SOX5: variants seen among roughly 807,000 people sequenced by gnomAD.
SOX5 encodes SRY-box transcription factor 5.
In SOX5, 9 loss-of-function variants were observed where a neutral mutation model predicts 92.0. The observed-to-expected ratio is 0.10, with a 90% CI of 0.06 to 0.17. The LOEUF (loss-of-function observed/expected upper bound fraction) is 0.17, where lower values mean the gene tolerates loss of function less well. SOX5 is among the 10% of genes least tolerant of loss of function. SOX5 has a pLI of 1.00. For synonymous variants in SOX5, 344 were observed against 336.3 expected (o/e 1.02, Z -0.25); for missense variants, 642 against 944.5 (o/e 0.68, Z 4.20).
intron 3 of SOX5, among the ~76,000 whole-genome samples, chr12:23,759,445 ACAT>A (rs2094505322): frequency 6.6e-6 from 1 of 152,056 alleles, no homozygotes; most frequent in Non-Finnish European, 1.5e-5. Context: ...GGATCATAAG[ACAT>A]CATTTCACCC....
At chr12:23,790,026 C>T (rs2095443272) in intron 3 of SOX5, among the ~76,000 whole-genome samples, 1 of 152,066 alleles carries the variant, frequency 6.6e-6, no homozygotes, top group African/African-American at 2.4e-5. Flanking sequence ...CTATGTAAAG[C>T]AAACCTGTAA....
intron 1 of SOX5, among the ~76,000 whole-genome samples, chr12:24,550,126 A>G (rs770889317): frequency 1.3e-5 from 2 of 152,244 alleles, no homozygotes; most frequent in Non-Finnish European, 2.9e-5. Flanking sequence ...TTGGCTGTAT[A>G]ATGGGACAGC....
chr12:24,045,667 G>A (rs1569520696), intron 4 of SOX5, among the ~76,000 whole-genome samples: 1 of 152,166 alleles, frequency 6.6e-6, no homozygotes, highest in Non-Finnish European at 1.5e-5. Context: ...TTGTCATGGA[G>A]TTCCTTCCCA....
rs994108784 is a variant in SOX5, at chr12:23,762,386, G to C, written c.482-6662C>G. ...GAATAGCCACCACACTCCTGCCTGG[G>C]CAATGTAGCAAGATTCCCCCCTCTA... On this transcript the variant is annotated intron_variant, in intron 3 of 14. Coordinates refer to ENST00000451604, the MANE Select transcript of SOX5 (RefSeq NM_006940.6). The C allele has an allele frequency of 2.2e-5, 8 of 370,176 alleles. No individual in the cohort carries two copies. In the Admixed American group the frequency reaches 3.3e-4, roughly 15 times the overall value. 22.9% of individuals were successfully genotyped at this position (370,176 alleles called of 1,614,324 possible).
At chr12:24,421,118 C>T (rs928134880) in intron 1 of SOX5, among the ~76,000 whole-genome samples, 2 of 152,204 alleles carry the variant, frequency 1.3e-5, no homozygotes, top group Middle Eastern at 6.8e-3. Flanking sequence ...TAATGAAATG[C>T]AAGAATTATT....
chr12:24,395,076 A>G lies in SOX5; in HGVS notation c.-250-26437T>C, dbSNP rs542704529. 3.9e-5 allele frequency among the ~76,000 whole-genome samples: 6 copies of G among 152,228 alleles called. No individual in the cohort carries two copies. The South Asian group carries it at 6.2e-4, about 16-fold the overall frequency. Reference sequence around the variant, plus strand: ...TTAATGATTCTCCCATTTCCTTCCAACATTTATTATACATTTCTTAGAAAA... The same window carrying G: ...TTAATGATTCTCCCATTTCCTTCCAGCATTTATTATACATTTCTTAGAAAA... On this transcript the variant is annotated intron_variant, in intron 1 of 4. Transcript: ENST00000446891.
intron 1 of SOX5, among the ~76,000 whole-genome samples, chr12:24,499,426 C>T (rs1170258869): frequency 2.0e-5 from 3 of 152,208 alleles, no homozygotes; most frequent in Non-Finnish European, 4.4e-5. Flanking sequence ...AAGATGGGTG[C>T]TATGCGCACC....
chr12:23,720,700 T>G (rs914445936), intron 6 of SOX5, among the ~76,000 whole-genome samples: 1 of 152,200 alleles, frequency 6.6e-6, no homozygotes, highest in Non-Finnish European at 1.5e-5. Context: ...AATTACTAAT[T>G]TCAGTGAATC....
At chr12:24,489,689 T>G (rs1946860309) in intron 1 of SOX5, among the ~76,000 whole-genome samples, 1 of 152,206 alleles carries the variant, frequency 6.6e-6, no homozygotes, top group South Asian at 2.1e-4. Context: ...GTTGCCATCT[T>G]CAGTTACATC....
At chr12:24,475,945 G>A (rs894135497) in intron 1 of SOX5, among the ~76,000 whole-genome samples, 1 of 150,676 alleles carries the variant, frequency 6.6e-6, no homozygotes. Context: ...TCATACCACT[G>A]CAGTCTAGCC....
intron 1 of SOX5, among the ~76,000 whole-genome samples, chr12:24,385,253 T>C (rs1421698990): frequency 6.6e-6 from 1 of 152,208 alleles, no homozygotes; most frequent in Non-Finnish European, 1.5e-5. Context: ...ATTCTGTTTT[T>C]CACTTTCAGT....
intron 8 of SOX5, among the ~76,000 whole-genome samples, chr12:23,605,442 ATATT>A (rs2075123995): frequency 6.7e-6 from 1 of 148,868 alleles, no homozygotes; most frequent in African/African-American, 2.4e-5. Context: ...AATATATCAT[ATATT>A]TAAATTACTA....
chr12:24,455,222 A>C (rs1475499046), intron 1 of SOX5, among the ~76,000 whole-genome samples: 1 of 152,198 alleles, frequency 6.6e-6, no homozygotes, highest in Non-Finnish European at 1.5e-5. Flanking sequence ...CAAACAGGTA[A>C]TCAGCTAATT....
chr12:23,979,698 G>GTTTTTTTGTTTTTTTT (rs1949313537), intron 4 of SOX5, among the ~76,000 whole-genome samples: 1 of 64,706 alleles, frequency 1.5e-5, no homozygotes, highest in Non-Finnish European at 2.7e-5. Context: ...ATATATATAT[G>GTTTTTTTGTTTTTTTT]TTTTTTTTGT....
chr12:24,422,582 T>C (rs1966100962), intron 1 of SOX5, among the ~76,000 whole-genome samples: 1 of 152,228 alleles, frequency 6.6e-6, no homozygotes, highest in South Asian at 2.1e-4. Context: ...TCATAACTTA[T>C]TCTAACCCAA....
At chr12:23,975,599 G>T (rs576148063) in intron 4 of SOX5, among the ~76,000 whole-genome samples, 2 of 152,190 alleles carry the variant, frequency 1.3e-5, no homozygotes, top group African/African-American at 2.4e-5. Flanking sequence ...TAAGCCATGG[G>T]ATCTAGAGCC....
At chr12:23,849,751 A>C (rs1023624993) in intron 2 of SOX5, among the ~76,000 whole-genome samples, 3 of 152,180 alleles carry the variant, frequency 2.0e-5, no homozygotes, top group Non-Finnish European at 2.9e-5. Context: ...TGTCCATCCA[A>C]ATATCTACTG....
At chr12:24,102,649 C>A (rs189452491) in intron 4 of SOX5, among the ~76,000 whole-genome samples, 3 of 152,270 alleles carry the variant, frequency 2.0e-5, no homozygotes, top group Non-Finnish European at 4.4e-5. Flanking sequence ...CAGGGCACTA[C>A]CATGTCATTG....
chr12:24,386,444 C>T (rs1285172227), intron 1 of SOX5, among the ~76,000 whole-genome samples: 3 of 152,020 alleles, frequency 2.0e-5, no homozygotes, highest in African/African-American at 4.8e-5. Context: ...ATTATCAATC[C>T]TATGTTATTC....
Sources: allele counts gnomAD v4.1 joint callset (sites outside exome capture counted in the v4.1 genomes callset), GRCh38; gene constraint gnomAD v4.1.1; transcripts MANE v1.5; gene names NCBI Gene and HGNC (gene_info 2026-07-23, HGNC 2026-07-21).